FYB1: variants seen among roughly 807,000 people sequenced by gnomAD.
FYB1 encodes the protein FYN binding protein 1, also known as FYN-binding protein 1.
Under a neutral mutation model 94.1 loss-of-function variants are expected in FYB1, and 41 were observed. The observed-to-expected ratio is 0.44, with a 90% confidence interval of 0.34 to 0.57. The LOEUF is 0.57. Ranked by LOEUF, FYB1 falls within the 20% of genes least tolerant of loss-of-function variation. The pLI, the probability that FYB1 is intolerant of heterozygous loss-of-function variation, is 0.02. For missense variants in FYB1, 1,050 were observed against 976.8 expected (o/e 1.07, Z -1.00); for synonymous variants, 367 against 353.2 (o/e 1.04, Z -0.44).
chr5:39,214,655 C>T (rs1749699760), intron 1 of FYB1, among the ~76,000 whole-genome samples: 1 of 152,192 alleles, frequency 6.6e-6, no homozygotes, highest in Non-Finnish European at 1.5e-5. Flanking sequence ...TGGCTGGGTG[C>T]TGTGGCTCAT....
At chr5:39,143,118 T>C (rs1389264292) in intron 3 of FYB1, among the ~76,000 whole-genome samples, 2 of 152,210 alleles carry the variant, frequency 1.3e-5, no homozygotes, top group Non-Finnish European at 2.9e-5. Context: ...GCAAATTCCA[T>C]GTTGAAATCT....
chr5:39,233,093 T>C (rs560260575), intron 1 of FYB1, among the ~76,000 whole-genome samples: 1 of 152,276 alleles, frequency 6.6e-6, no homozygotes, highest in East Asian at 1.9e-4. Flanking sequence ...AGTAATGGGA[T>C]GGCTGGGTCA....
chr5:39,145,444 T>C (rs903901931), intron 3 of FYB1, among the ~76,000 whole-genome samples: 2 of 152,200 alleles, frequency 1.3e-5, no homozygotes, highest in Admixed American at 6.5e-5. Flanking sequence ...TGAAAGAATT[T>C]AGTTTGAGCC....
intron 3 of FYB1, among the ~76,000 whole-genome samples, chr5:39,144,526 G>A (rs1742471388): frequency 2.0e-5 from 3 of 152,198 alleles, no homozygotes; most frequent in Non-Finnish European, 2.9e-5. Context: ...AACAGGCTGG[G>A]CGCAGTGGCT....
chr5:39,130,843 T>C (rs1455281726), intron 9 of FYB1, among the ~76,000 whole-genome samples: 1 of 152,154 alleles, frequency 6.6e-6, no homozygotes, highest in Non-Finnish European at 1.5e-5. Context: ...TTATGCACTA[T>C]ATATGATATA....
At position 39,174,771 on chromosome 5, in the gene FYB1, A is replaced by C. The variant is rs573225753; in HGVS notation, c.1136-21167T>G. ...AAAAACCTTAAAAAGATAAAACATA[A>C]GCATCTTATTTTTGTTAGTGTTTTC... On this transcript the variant is annotated intron_variant, in intron 2 of 18. Coordinates refer to ENST00000512982, the MANE Select transcript of FYB1 (RefSeq NM_001465.6). Among the ~76,000 whole-genome samples, 6 of 152,348 alleles carry C rather than the reference A, an allele frequency of 3.9e-5. No homozygotes were observed. The South Asian group carries it at 6.2e-4, about 16-fold the overall frequency.
At chr5:39,141,055 G>C (rs1369536816) in intron 4 of FYB1, 40 bp downstream of exon 4, 2 of 1,424,398 alleles carry the variant, frequency 1.4e-6, no homozygotes, top group Admixed American at 4.0e-5. Context: ...CTGTACCTGA[G>C]TTTACAAATA....
intron 15 of FYB1, 106 bp downstream of exon 15, chr5:39,119,429 A>C (rs1580310850): frequency 1.3e-6 from 1 of 777,668 alleles, no homozygotes; most frequent in South Asian, 2.6e-5. Context: ...GCATTTTGTT[A>C]CTTAAAAATC....
chr5:39,124,158 C>T (rs923345266), intron 13 of FYB1, 95 bp downstream of exon 13: 1 of 844,944 alleles, frequency 1.2e-6, no homozygotes, highest in Admixed American at 3.6e-5. Context: ...TTTTCAGAGT[C>T]AAGACTTTAA....
intron 2 of FYB1, among the ~76,000 whole-genome samples, chr5:39,153,901 G>A (rs1322859552): frequency 1.3e-5 from 2 of 152,076 alleles, no homozygotes; most frequent in Non-Finnish European, 2.9e-5. Flanking sequence ...AGCCTCCTGA[G>A]TAGCTGGGAC....
chr5:39,242,166 T>G (rs1751240239), intron 1 of FYB1, among the ~76,000 whole-genome samples: 1 of 152,118 alleles, frequency 6.6e-6, no homozygotes, highest in Admixed American at 6.5e-5. Context: ...ATACTTTAAG[T>G]TCTAGGGTAC....
At chr5:39,229,066 G>A (rs938539963) in intron 1 of FYB1, among the ~76,000 whole-genome samples, 5 of 152,148 alleles carry the variant, frequency 3.3e-5, no homozygotes, top group Non-Finnish European at 7.3e-5. Context: ...TACGATCCTA[G>A]GACTGGGGTC....
At chr5:39,169,452 G>A (rs1745046192) in intron 2 of FYB1, 1 of 724,338 alleles carries the variant, frequency 1.4e-6, no homozygotes, top group South Asian at 1.4e-5. Flanking sequence ...TCACAGAAGA[G>A]TGCCTTCACC....
At chr5:39,179,873 T>C (rs62358726) in intron 2 of FYB1, among the ~76,000 whole-genome samples, 35,311 of 152,086 alleles carry the variant, frequency 0.23, 4,259 homozygotes, top group African/African-American at 0.29. Flanking sequence ...CTTCCCTCAC[T>C]TGCCTGGTTT....
chr5:39,146,233 C>G (rs1742647731), intron 3 of FYB1, among the ~76,000 whole-genome samples: 1 of 152,094 alleles, frequency 6.6e-6, no homozygotes, highest in East Asian at 1.9e-4. Flanking sequence ...TTAAGCCTCT[C>G]CTTAAACAGT....
In FYB1 at chr5:39,210,644, T is replaced by C. The variant is rs369308218; in HGVS notation, c.-27-7657A>G. Reference sequence around the variant, plus strand: ...TTCTTTTCCTGGTTATCCTACAAAATAGCTCCTGTACAAATAGTTTTGACT... The same window carrying C: ...TTCTTTTCCTGGTTATCCTACAAAACAGCTCCTGTACAAATAGTTTTGACT... On this transcript the variant is annotated intron_variant, in intron 1 of 18. Coordinates refer to ENST00000512982, the MANE Select transcript of FYB1 (RefSeq NM_001465.6). Among the ~76,000 whole-genome samples, 106 of 152,292 alleles carry C rather than the reference T, an allele frequency of 7.0e-4. 1 individual carries two copies. The highest frequency in any genetic ancestry group is 1.6e-3 in the African/African-American group (68 of 41,558).
intron 1 of FYB1, among the ~76,000 whole-genome samples, chr5:39,237,172 T>A (rs1232034729): frequency 6.6e-6 from 1 of 152,050 alleles, no homozygotes; most frequent in African/African-American, 2.4e-5. Context: ...TGGAAAAAAT[T>A]GTAGGCTCAT....
intron 18 of FYB1, 113 bp from the exon 19 acceptor site, chr5:39,107,578 T>C (rs1041579010): frequency 7.5e-5 from 40 of 531,856 alleles, no homozygotes; most frequent in East Asian, 6.6e-4. Flanking sequence ...TTAAAAAAAA[T>C]AGAACTGGCT....
intron 16 of FYB1, among the ~76,000 whole-genome samples, chr5:39,112,071 T>C (rs1376275598): frequency 6.6e-6 from 1 of 151,956 alleles, no homozygotes; most frequent in Non-Finnish European, 1.5e-5. Flanking sequence ...ACAAATTCAA[T>C]TCTACATGTG....
Sources: allele counts gnomAD v4.1 joint callset (sites outside exome capture counted in the v4.1 genomes callset), GRCh38; gene constraint gnomAD v4.1.1; transcripts MANE v1.5; gene names NCBI Gene and HGNC (gene_info 2026-07-23, HGNC 2026-07-21).